The following TEX14 variants were observed in gnomAD, a reference collection of about 807,000 sequenced individuals.
TEX14 encodes testis expressed 14, intercellular bridge forming factor.
In TEX14, 168 loss-of-function variants were observed where a neutral mutation model predicts 178.6. That is an observed-to-expected ratio of 0.94 (90% CI 0.83 to 1.07). The LOEUF (loss-of-function observed/expected upper bound fraction) is 1.07. Among genes scored for constraint, TEX14 ranks in the 50% least tolerant of loss-of-function variants. The pLI is 0.00. For missense variants in TEX14, 1,730 were observed against 1,753.6 expected (o/e 0.99, Z 0.24); for synonymous variants, 626 against 634.1 (o/e 0.99, Z 0.19).
At chr17:58,579,542 C>T (rs2044760256) in intron 20 of TEX14, 123 bp downstream of exon 20, 3 of 778,820 alleles carry the variant, frequency 3.9e-6, no homozygotes, top group East Asian at 5.0e-5. Flanking sequence ...TTTTCTCAAC[C>T]ATATAATGAA....
chr17:58,615,426 G>A (rs2045851301), intron 7 of TEX14, 81 bp from the exon 8 acceptor site: 2 of 898,858 alleles, frequency 2.2e-6, no homozygotes, highest in Admixed American at 1.9e-5. Context: ...CCTAAGCAAG[G>A]ACCAGAGAAA....
At chr17:58,592,501 A>AT (rs879663287) in intron 15 of TEX14, among the ~76,000 whole-genome samples, 1 of 148,170 alleles carries the variant, frequency 6.7e-6, no homozygotes, top group African/African-American at 2.5e-5. Flanking sequence ...CGCCCGGCTA[A>AT]TTTTTTGTAT....
At chr17:58,572,157 G>T in intron 23 of TEX14, 31 bp from the exon 24 acceptor site, 1 of 1,501,318 alleles carries the variant, frequency 6.7e-7, no homozygotes, top group Non-Finnish European at 9.2e-7. Context: ...GTTACTGTCT[G>T]AATCCTTTAT....
chr17:58,626,324 G>A (rs1193612741), intron 3 of TEX14, among the ~76,000 whole-genome samples: 1 of 151,916 alleles, frequency 6.6e-6, no homozygotes, highest in Non-Finnish European at 1.5e-5. Flanking sequence ...CTAGCACATC[G>A]GGAGGCCGAG....
chr17:58,682,262 CT>C (rs36042986), intron 1 of TEX14, among the ~76,000 whole-genome samples: 116 of 141,776 alleles, frequency 8.2e-4, no homozygotes, highest in Admixed American at 9.3e-4. Flanking sequence ...CAGAGTCTTT[CT>C]TTTTTTTTTT....
In TEX14 at chr17:58,621,724, G is replaced by T; in HGVS notation, c.480C>A (p.Tyr160Ter). 10 of 1,614,202 alleles carry T rather than the reference G, an allele frequency of 6.2e-6. No individual in the cohort carries two copies. The highest frequency in any genetic ancestry group is 1.3e-5 in the African/African-American group (1 of 75,068). ...HMQAIIQGFS[Y>*]DLLKKIDSPQ... ...GGGAGTCTATCTTCTTCAGGAGGTCGTAAGAGAAGCCCTGGATGATGGCCT... is the reference window on the plus strand; with the variant it reads ...GGGAGTCTATCTTCTTCAGGAGGTCTTAAGAGAAGCCCTGGATGATGGCCT... The change falls in exon 5 of 32, where the codon TAC (tyrosine) becomes TAA (stop). Residue 160 changes from tyrosine to a stop codon, truncating the protein, a stop_gained. Coordinates refer to ENST00000349033, the MANE Select transcript of TEX14 (RefSeq NM_031272.5). LOFTEE classifies it high-confidence loss of function.
chr17:58,604,926 A>G, intron 11 of TEX14, 52 bp downstream of exon 11: 2 of 1,600,700 alleles, frequency 1.2e-6, no homozygotes, highest in Non-Finnish European at 1.7e-6. Context: ...GGGGGAGAAA[A>G]ATGCAACCTA....
rs1364562009 is a variant in TEX14, at chr17:58,569,596, G to A, written c.3818-336C>T. Among the ~76,000 whole-genome samples the A allele has an allele frequency of 1.3e-5, 2 of 152,156 alleles. No individual in the cohort carries two copies. The highest frequency in any genetic ancestry group is 2.1e-4 in the South Asian group (1 of 4,830). On this transcript the variant is annotated intron_variant, in intron 25 of 31. Transcript: ENST00000349033. The surrounding 1 kb of genome is among the most constrained non-coding windows in gnomAD (Gnocchi z 4.1). ...TCAATCTGGACCAGGGCTGCTGGAG[G>A]AATACAGAGGTTCTGGACCAGTCAA...
intron 1 of TEX14, among the ~76,000 whole-genome samples, chr17:58,688,183 T>C (rs1034870823): frequency 1.3e-5 from 2 of 152,118 alleles, no homozygotes; most frequent in Non-Finnish European, 1.5e-5. Flanking sequence ...TACAGTGTCA[T>C]AATATCGGCT....
intron 2 of TEX14, among the ~76,000 whole-genome samples, chr17:58,646,107 A>G (rs888632847): frequency 6.6e-6 from 1 of 152,184 alleles, no homozygotes; most frequent in African/African-American, 2.4e-5. Flanking sequence ...TGTGGAACCC[A>G]CAGATAAGCA....
intron 14 of TEX14, among the ~76,000 whole-genome samples, chr17:58,596,188 A>T (rs1213039456): frequency 1.3e-5 from 2 of 151,576 alleles, no homozygotes; most frequent in Non-Finnish European, 2.9e-5. Flanking sequence ...GTCTTTAAAA[A>T]TTTAAAAAAA....
In TEX14 at chr17:58,593,481, T is replaced by C. The variant is rs555221450; in HGVS notation, c.2576+74A>G. On this transcript the variant is annotated intron_variant, in intron 15 of 31. Coordinates refer to ENST00000349033, the MANE Select transcript of TEX14 (RefSeq NM_031272.5). ...CCTTTTGTCACTAGACATAAGAAGA[T>C]CACTGAGTGGCCTCAGAGACACACA... 4.5e-4 allele frequency: 505 copies of C among 1,120,808 alleles called. 8 individuals carry two copies. The South Asian group carries it at 6.2e-3, about 14-fold the overall frequency. 69.4% of individuals were successfully genotyped at this position (1,120,808 alleles called of 1,614,324 possible). A position where few individuals can be genotyped will look rare whatever the true frequency, so the allele number is the denominator to read the frequency against.
chr17:58,616,133 CT>C (rs757906851), intron 7 of TEX14, 41 bp downstream of exon 7: 1 of 1,585,526 alleles, frequency 6.3e-7, no homozygotes, highest in Admixed American at 1.8e-5. Flanking sequence ...CACTCTTCCC[CT>C]GAAACTGAAT....
chr17:58,662,594 T>A (rs1224952276), intron 1 of TEX14, among the ~76,000 whole-genome samples: 10 of 152,016 alleles, frequency 6.6e-5, no homozygotes, highest in Non-Finnish European at 2.9e-5. Flanking sequence ...CAGGCACAAC[T>A]ATTAATCTCA....
chr17:58,651,986 G>C lies in TEX14; in HGVS notation c.16C>G (p.Arg6Gly). Residue 6 changes from arginine to glycine, a missense_variant, in exon 2 of 32, where the codon CGT (arginine) becomes GGT (glycine). Coordinates refer to ENST00000349033, the MANE Select transcript of TEX14 (RefSeq NM_031272.5). Reference sequence around the variant, plus strand: ...TGAACAGGACAGGGGACTGGAAGACGAACAGCCCGAGACATCCTGTTCCAA... The same window carrying C: ...TGAACAGGACAGGGGACTGGAAGACCAACAGCCCGAGACATCCTGTTCCAA... MSRAV[R>G]LPVPCPVQLG... 1 of 1,592,542 alleles carries C rather than the reference G, an allele frequency of 6.3e-7. No individual in the cohort carries two copies. The highest frequency in any genetic ancestry group is 8.5e-7 in the Non-Finnish European group (1 of 1,172,222).
chr17:58,680,328 C>T (rs1444771784), intron 1 of TEX14, among the ~76,000 whole-genome samples: 1 of 152,200 alleles, frequency 6.6e-6, no homozygotes, highest in African/African-American at 2.4e-5. Context: ...AATCCAATCT[C>T]TGTATAGGTT....
In TEX14 at chr17:58,579,597, A is replaced by G. The variant is rs895140856; in HGVS notation, c.3238+68T>C. 7 of 1,348,440 alleles carry G rather than the reference A, an allele frequency of 5.2e-6. No homozygotes were observed. The Admixed American group carries it at 8.5e-5, about 16-fold the overall frequency. 83.5% of individuals were successfully genotyped at this position (1,348,440 alleles called of 1,614,324 possible). ...CCTCAGGATCCCCCCAGCTCTAAAC[A>G]TCTGTGATCCAACAGAAGAAATTTA... On this transcript the variant is annotated intron_variant, in intron 20 of 31. Transcript: ENST00000349033.
intron 1 of TEX14, chr17:58,661,372 G>T: frequency 1.1e-6 from 1 of 923,696 alleles, no homozygotes; most frequent in Non-Finnish European, 1.8e-6. Flanking sequence ...ACTTCAGGTC[G>T]GTGGAAGTAA....
chr17:58,566,370 G>C (rs540434453), intron 26 of TEX14, among the ~76,000 whole-genome samples: 55 of 152,290 alleles, frequency 3.6e-4, no homozygotes, highest in African/African-American at 1.3e-3. Flanking sequence ...TAAAAATCCA[G>C]GCAGTCTAGC....
Sources: gnomAD v4.1 joint callset for allele counts (sites outside exome capture counted in the v4.1 genomes callset) on GRCh38, gnomAD v4.1.1 for gene constraint, Gnocchi (gnomAD v3.1) non-coding constraint, MANE v1.5 for transcripts, NCBI Gene and HGNC (gene_info 2026-07-23, HGNC 2026-07-21) for gene names.